Variants in PTCHD4 observed in about 807,000 individuals in gnomAD.
PTCHD4 encodes the protein patched domain-containing protein 4.
Under a neutral mutation model 58.1 loss-of-function variants are expected in PTCHD4, and 33 were observed. That is an observed-to-expected ratio of 0.57 (90% CI 0.43 to 0.76). The LOEUF is 0.76. Ranked by LOEUF, PTCHD4 falls within the 30% of genes least tolerant of loss-of-function variation. The pLI, the probability that PTCHD4 is intolerant of heterozygous loss-of-function variation, is 0.00. For synonymous variants in PTCHD4, 478 were observed against 409.6 expected (o/e 1.17, Z -2.02); for missense variants, 1,058 against 1,027.1 (o/e 1.03, Z -0.41).
intron 3 of PTCHD4, among the ~76,000 whole-genome samples, chr6:48,025,952 C>T (rs1240875388): frequency 6.6e-6 from 1 of 152,038 alleles, no homozygotes; most frequent in East Asian, 1.9e-4. Context: ...GGCAATGACT[C>T]CTACCACTCT....
chr6:47,932,840 T>C (rs1765870237), intron 4 of PTCHD4, among the ~76,000 whole-genome samples: 1 of 152,208 alleles, frequency 6.6e-6, no homozygotes, highest in Non-Finnish European at 1.5e-5. Flanking sequence ...TTTCCCTGAC[T>C]CTATCTATAA....
intron 3 of PTCHD4, among the ~76,000 whole-genome samples, chr6:48,062,066 A>AGCAAT (rs1161793228): frequency 6.6e-6 from 1 of 152,256 alleles, no homozygotes; most frequent in African/African-American, 2.4e-5. Flanking sequence ...CAGAATTAAA[A>AGCAAT]GCAATGTGGT....
At chr6:48,012,379 T>C (rs1762710313) in intron 3 of PTCHD4, among the ~76,000 whole-genome samples, 1 of 152,194 alleles carries the variant, frequency 6.6e-6, no homozygotes. Flanking sequence ...TGTTTGTCTA[T>C]TATTGGTGTA....
At chr6:47,928,292 A>G (rs1765693730) in intron 4 of PTCHD4, among the ~76,000 whole-genome samples, 1 of 152,224 alleles carries the variant, frequency 6.6e-6, no homozygotes, top group African/African-American at 2.4e-5. Flanking sequence ...CTTTAGCAGG[A>G]AAGAGTTTCT....
chr6:48,027,246 C>A (rs1306802930), intron 3 of PTCHD4, among the ~76,000 whole-genome samples: 2 of 152,184 alleles, frequency 1.3e-5, no homozygotes, highest in Admixed American at 1.3e-4. Context: ...TAAATAAAAT[C>A]TTCCTTAAAC....
In PTCHD4 at chr6:47,904,291, TA is replaced by T. The variant is rs1371061327; in HGVS notation, c.899-24356del. Among the ~76,000 whole-genome samples, 23 of 152,338 alleles carry T rather than the reference TA, an allele frequency of 1.5e-4. No homozygotes were observed. The East Asian group carries it at 3.9e-3, about 26-fold the overall frequency. The stretch of plus-strand genomic sequence containing the variant: ...ACCCAGGCATTACAGATGTGTTATC[TA>T]AAGCTGTGTTTCTAGGCATTTAGAG... On this transcript the variant is annotated intron_variant, in intron 4 of 4. Transcript: ENST00000339488.
intron 4 of PTCHD4, among the ~76,000 whole-genome samples, chr6:47,917,871 G>A (rs975583670): frequency 2.0e-5 from 3 of 152,122 alleles, no homozygotes; most frequent in African/African-American, 4.8e-5. Flanking sequence ...ACCATGAAAA[G>A]TGTACAAGAA....
At chr6:48,018,938 T>C (rs1762961218) in intron 3 of PTCHD4, among the ~76,000 whole-genome samples, 1 of 152,208 alleles carries the variant, frequency 6.6e-6, no homozygotes, top group African/African-American at 2.4e-5. Flanking sequence ...TTATTGCCTT[T>C]CTTTTGGACT....
chr6:48,098,158 A>G (rs780690454), intron 1 of PTCHD4, among the ~76,000 whole-genome samples: 7 of 152,176 alleles, frequency 4.6e-5, no homozygotes, highest in Non-Finnish European at 7.3e-5. Context: ...ACCTTCAAGC[A>G]TCATTAATGT....
At position 48,008,998 on chromosome 6, in the gene PTCHD4, G is replaced by T; in HGVS notation, c.534C>A (p.Thr178=). Residue 178 remains threonine (T), a synonymous_variant, in exon 4 of 5, where the codon ACC becomes ACA. Coordinates refer to ENST00000339488, the MANE Select transcript of PTCHD4 (RefSeq NM_001384253.1). ...TGAGGTCTTGGGTGGCAGAGCCATA[G>T]GTCTGGAGGTAGTAGGTGATTTGAA... ...RAIQITYYLQ[T]YGSATQDLIG... The T allele has an allele frequency of 6.2e-7, 1 of 1,613,944 alleles. No individual in the cohort carries two copies. The highest frequency in any genetic ancestry group is 2.2e-5 in the East Asian group (1 of 44,874).
chr6:47,918,011 G>A (rs901990015), intron 4 of PTCHD4, among the ~76,000 whole-genome samples: 17 of 152,112 alleles, frequency 1.1e-4, no homozygotes, highest in African/African-American at 3.9e-4. Context: ...TTTGCCAAGA[G>A]GAGAGGGGAA....
At chr6:48,002,689 A>G (rs547222897) in intron 4 of PTCHD4, among the ~76,000 whole-genome samples, 25 of 152,090 alleles carry the variant, frequency 1.6e-4, no homozygotes, top group East Asian at 7.7e-4. Context: ...CAGCACACCA[A>G]CATGGCACAT....
intron 4 of PTCHD4, among the ~76,000 whole-genome samples, chr6:47,946,951 C>T (rs1766443250): frequency 6.6e-6 from 1 of 152,120 alleles, no homozygotes; most frequent in African/African-American, 2.4e-5. Flanking sequence ...TCAAGAAATC[C>T]TCCCACTTCA....
intron 4 of PTCHD4, among the ~76,000 whole-genome samples, chr6:47,957,681 A>G (rs1561977732): frequency 1.3e-5 from 2 of 151,202 alleles, no homozygotes; most frequent in Admixed American, 6.6e-5. Context: ...GCTCTCTGTA[A>G]GCTCTGCCTC....
chr6:48,039,626 G>C (rs545357714), intron 3 of PTCHD4, among the ~76,000 whole-genome samples: 3 of 152,116 alleles, frequency 2.0e-5, no homozygotes, highest in Non-Finnish European at 4.4e-5. Context: ...CAATTAAAAT[G>C]CTAGAGGAAA....
At chr6:48,104,892 G>T (rs1433376152) in intron 1 of PTCHD4, among the ~76,000 whole-genome samples, 1 of 152,174 alleles carries the variant, frequency 6.6e-6, no homozygotes, top group Admixed American at 6.5e-5. Flanking sequence ...AATTCAACAA[G>T]AAGAACTAAC....
chr6:47,967,751 T>A (rs900772943), intron 4 of PTCHD4, among the ~76,000 whole-genome samples: 4 of 152,186 alleles, frequency 2.6e-5, no homozygotes, highest in Non-Finnish European at 5.9e-5. Context: ...TCCCTAAACT[T>A]CATGAATCAA....
chr6:47,909,151 A>C (rs1561951626), intron 4 of PTCHD4, among the ~76,000 whole-genome samples: 1 of 152,178 alleles, frequency 6.6e-6, no homozygotes, highest in Non-Finnish European at 1.5e-5. Context: ...TAAATCTAGA[A>C]GGGAACTGTA....
At chr6:48,074,191 C>T (rs1312463241) in intron 1 of PTCHD4, among the ~76,000 whole-genome samples, 1 of 151,946 alleles carries the variant, frequency 6.6e-6, no homozygotes, top group African/African-American at 2.4e-5. Flanking sequence ...ATTTTAGAGG[C>T]AATTTTGGTC....
Sources: gnomAD v4.1 joint callset for allele counts (sites outside exome capture counted in the v4.1 genomes callset) on GRCh38, gnomAD v4.1.1 for gene constraint, MANE v1.5 for transcripts, NCBI Gene and HGNC (gene_info 2026-07-23, HGNC 2026-07-21) for gene names.